The following SLC25A26 variants were observed in gnomAD, a reference collection of about 807,000 sequenced individuals.
SLC25A26 encodes mitochondrial S-adenosylmethionine carrier protein.
In SLC25A26, 36 loss-of-function variants were observed where a neutral mutation model predicts 37.8. The observed-to-expected ratio is 0.95, with a 90% CI of 0.73 to 1.26. The LOEUF is 1.26. Ranked by LOEUF, SLC25A26 falls within the 50% of genes most tolerant of loss-of-function variation. SLC25A26 has a pLI of 0.00. For missense variants in SLC25A26, 390 were observed against 331.1 expected, an observed-to-expected ratio of 1.18 and a Z score of -1.38; for synonymous variants, 129 against 122.5, an observed-to-expected ratio of 1.05 and a Z score of -0.35.
intron 3 of SLC25A26, among the ~76,000 whole-genome samples, chr3:66,260,214 G>A (rs995603742): frequency 2.0e-5 from 3 of 152,058 alleles, no homozygotes; most frequent in African/African-American, 7.2e-5. Flanking sequence ...TTTTGGCCAT[G>A]TTTTATTGAA....
chr3:66,375,460 A>G (rs1250194202), intron 9 of SLC25A26, among the ~76,000 whole-genome samples: 3 of 152,234 alleles, frequency 2.0e-5, no homozygotes, highest in Admixed American at 6.5e-5. Context: ...GCCTGGCCTC[A>G]AAGCTTCAAA....
chr3:66,329,298 A>G (rs773134017), intron 5 of SLC25A26, among the ~76,000 whole-genome samples: 1 of 152,088 alleles, frequency 6.6e-6, no homozygotes, highest in Non-Finnish European at 1.5e-5. Context: ...TTAATGTGTC[A>G]TACTTAAGGA....
intron 2 of SLC25A26, among the ~76,000 whole-genome samples, chr3:66,242,445 A>G (rs925241507): frequency 6.6e-6 from 1 of 152,170 alleles, no homozygotes; most frequent in Non-Finnish European, 1.5e-5. Context: ...GCTTTTGTTG[A>G]CTTTGGAGAA....
chr3:66,262,029 T>G (rs1465038823), intron 3 of SLC25A26, 22 bp from the exon 4 acceptor site: 1 of 1,418,260 alleles, frequency 7.1e-7, no homozygotes, highest in African/African-American at 1.4e-5. Flanking sequence ...CTTTTTAGGA[T>G]ATAATCAAAT....
At chr3:66,209,038 G>GTGTC (rs2071228315) in intron 1 of SLC25A26, among the ~76,000 whole-genome samples, 1 of 20,206 alleles carries the variant, frequency 4.9e-5, no homozygotes, top group Non-Finnish European at 8.7e-5. Flanking sequence ...CCATATAAAG[G>GTGTC]TGTATATATA....
At position 66,371,325 on chromosome 3, in the gene SLC25A26, C is replaced by A. The variant is rs767583559; in HGVS notation, c.707+723C>A. 1.9e-6 allele frequency: 3 copies of A among 1,549,004 alleles called. No individual in the cohort carries two copies. The South Asian group carries it at 3.6e-5, about 18-fold the overall frequency. ...CAGTGCCACCTCCTCATCCTGATGC[C>A]GAGTTGGATCACTTATGTGATTGTA... On this transcript the variant is annotated intron_variant, in intron 9 of 9. Transcript: ENST00000354883.
At chr3:66,209,902 A>C (rs1339827566) in intron 1 of SLC25A26, among the ~76,000 whole-genome samples, 156 of 15,398 alleles carry the variant, frequency 0.01, 3 homozygotes, top group Middle Eastern at 0.056. Context: ...CTCTATTTAT[A>C]TATATATATA....
chr3:66,355,195 G>A (rs895621546), intron 6 of SLC25A26, among the ~76,000 whole-genome samples: 2 of 152,018 alleles, frequency 1.3e-5, no homozygotes, highest in Non-Finnish European at 2.9e-5. Context: ...TTTTGCTTAA[G>A]AATAATCAAT....
chr3:66,134,009 TACTC>T (rs2069909183), intron 1 of SLC25A26: 1 of 152,226 alleles, frequency 6.6e-6, no homozygotes, highest in Non-Finnish European at 1.5e-5. Flanking sequence ...TTATTTCTAA[TACTC>T]AGCGCCACCC....
intron 1 of SLC25A26, among the ~76,000 whole-genome samples, chr3:66,157,387 C>G (rs1459934785): frequency 6.6e-6 from 1 of 152,148 alleles, no homozygotes; most frequent in Non-Finnish European, 1.5e-5. Flanking sequence ...CTCAAGAGTT[C>G]CAGACCAGTC....
Position 66,209,898 on chromosome 3 carries a change from T to TTA in SLC25A26, c.-353-10796_-353-10795dup, listed in dbSNP as rs1159734636. ...TATACTCCTCTCTCTCTCTCTCTAT[T>TTA]TATATATATATATATATATATATAT... On this transcript the variant is annotated intron_variant, in intron 1 of 10. Transcript: ENST00000676754. Among the ~76,000 whole-genome samples, 313 of 38,430 alleles carry TTA rather than the reference T, an allele frequency of 8.1e-3. 15 individuals are homozygous for TTA. The highest frequency in any genetic ancestry group is 0.01 in the Non-Finnish European group (200 of 19,824). 25.2% of individuals were successfully genotyped at this position (38,430 alleles called of 152,430 possible). A position where few individuals can be genotyped will look rare whatever the true frequency, so the allele number is the denominator to read the frequency against.
chr3:66,192,380 A>G (rs2070962760), intron 1 of SLC25A26, among the ~76,000 whole-genome samples: 1 of 151,192 alleles, frequency 6.6e-6, no homozygotes, highest in African/African-American at 2.4e-5. Flanking sequence ...ACCCTCCAGC[A>G]TGCGAGGGTA....
intron 5 of SLC25A26, among the ~76,000 whole-genome samples, chr3:66,300,251 G>GTTTT (rs1309490705): frequency 0.084 from 9,095 of 107,942 alleles, 327 homozygotes; most frequent in Non-Finnish European, 0.13. Context: ...GGGTTTTTTT[G>GTTTT]TTTTGTTTTT....
In SLC25A26 at chr3:66,347,763, G is replaced by T. The variant is rs544902347; in HGVS notation, c.498+1355G>T. On this transcript the variant is annotated intron_variant, in intron 6 of 9. Coordinates refer to ENST00000354883, the MANE Select transcript of SLC25A26 (RefSeq NM_001379210.1). Reference sequence around the variant, plus strand: ...TGATAGACTGCATAAAGAAAATGTGGTACATACACACCACGGAATACTATG... The same window carrying T: ...TGATAGACTGCATAAAGAAAATGTGTTACATACACACCACGGAATACTATG... Among the ~76,000 whole-genome samples the T allele has an allele frequency of 1.1e-4, 16 of 152,244 alleles. No individual in the cohort carries two copies. The South Asian group carries it at 3.3e-3, about 32-fold the overall frequency.
chr3:66,357,205 G>A (rs1323187862), intron 6 of SLC25A26, among the ~76,000 whole-genome samples: 1 of 152,154 alleles, frequency 6.6e-6, no homozygotes, highest in East Asian at 1.9e-4. Context: ...CTTGAGATCA[G>A]GAGTTTGAGA....
chr3:66,215,697 C>T (rs1223476001), intron 1 of SLC25A26, among the ~76,000 whole-genome samples: 1 of 152,138 alleles, frequency 6.6e-6, no homozygotes, highest in Admixed American at 6.6e-5. Context: ...TAAAGGAAAA[C>T]TGACTTTTCA....
At chr3:66,370,679 C>G (rs1455152183) in intron 9 of SLC25A26, 77 bp downstream of exon 9, 10 of 1,086,316 alleles carry the variant, frequency 9.2e-6, no homozygotes, top group Non-Finnish European at 1.4e-5. Flanking sequence ...GGATGAACAC[C>G]TCTCCTTCCC....
At chr3:66,249,568 TAAG>T (rs1383748301) in intron 3 of SLC25A26, among the ~76,000 whole-genome samples, 2 of 152,392 alleles carry the variant, frequency 1.3e-5, no homozygotes, top group East Asian at 1.9e-4. Flanking sequence ...TGGCCTTTTC[TAAG>T]AAGAACCACT....
At chr3:66,242,459 A>AT (rs2072626429) in intron 2 of SLC25A26, among the ~76,000 whole-genome samples, 1 of 152,194 alleles carries the variant, frequency 6.6e-6, no homozygotes, top group Non-Finnish European at 1.5e-5. Flanking sequence ...TGGAGAACTG[A>AT]TTTTCACCAT....
Sources: gnomAD v4.1 joint callset for allele counts (sites outside exome capture counted in the v4.1 genomes callset) on GRCh38, gnomAD v4.1.1 for gene constraint, MANE v1.5 for transcripts, NCBI Gene and HGNC (gene_info 2026-07-23, HGNC 2026-07-21) for gene names.